Variants in ANO10 observed in about 807,000 individuals in gnomAD.
ANO10 encodes the protein anoctamin-10.
ANO10 carries 77 observed loss-of-function variants against 74.7 expected under a neutral mutation model. The ratio of observed to expected loss-of-function variants is 1.03; its 90% CI spans 0.86 to 1.25. The LOEUF (loss-of-function observed/expected upper bound fraction) is 1.25, where lower values mean the gene tolerates loss of function less well. ANO10 is among the 50% of genes most tolerant of loss of function. The pLI, the probability that ANO10 is intolerant of heterozygous loss-of-function variation, is 0.00. For missense variants in ANO10, 721 were observed against 778.1 expected (o/e 0.93, Z 0.87); for synonymous variants, 279 against 284.9 (o/e 0.98, Z 0.21).
rs202113435 is a variant in ANO10 at position 43,481,917 on chromosome 3, CTTTTT to C, written c.1798-49195_1798-49191del. Among the ~76,000 whole-genome samples the C allele has an allele frequency of 3.2e-3, 432 of 136,006 alleles. 4 individuals are homozygous for C. The highest frequency in any genetic ancestry group is 0.011 in the African/African-American group (411 of 37,234). The allele number at this position is 136,006 out of a possible 152,430, so 89.2% of individuals were successfully genotyped here. On this transcript the variant is annotated intron_variant, in intron 11 of 12. Transcript: ENST00000292246. ...GTATGTATTGATTGATGTCTTTTTT[CTTTTT>C]TTTTCTTTTTTTTTTTTTTTTTTGA...
chr3:43,484,735 A>C (rs1313720688), intron 11 of ANO10, among the ~76,000 whole-genome samples: 5 of 152,122 alleles, frequency 3.3e-5, no homozygotes, highest in Admixed American at 6.5e-5. Context: ...CTCTCTTCCC[A>C]TCATGGCCAA....
chr3:43,517,370 C>T (rs1356016827), intron 11 of ANO10, among the ~76,000 whole-genome samples: 1 of 152,060 alleles, frequency 6.6e-6, no homozygotes, highest in Non-Finnish European at 1.5e-5. Context: ...CATTATGGTC[C>T]TACTGTCCTA....
chr3:43,542,118 G>C (rs1429918901), intron 11 of ANO10, among the ~76,000 whole-genome samples: 1 of 152,172 alleles, frequency 6.6e-6, no homozygotes, highest in African/African-American at 2.4e-5. Context: ...TTAGGTGAGA[G>C]CTCCTGAACT....
chr3:43,575,919 G>C (rs2080972005), intron 6 of ANO10, among the ~76,000 whole-genome samples: 1 of 152,172 alleles, frequency 6.6e-6, no homozygotes, highest in African/African-American at 2.4e-5. Context: ...TTCCAGGCGT[G>C]AGCCACTGCG....
At chr3:43,397,850 CTCTA>C (rs2092411006) in intron 12 of ANO10, among the ~76,000 whole-genome samples, 1 of 152,200 alleles carries the variant, frequency 6.6e-6, no homozygotes, top group African/African-American at 2.4e-5. Context: ...TCTCTTCTAT[CTCTA>C]TCTCTCAGAG....
intron 1 of ANO10, chr3:43,690,929 G>C: frequency 2.0e-6 from 3 of 1,520,492 alleles, no homozygotes; most frequent in East Asian, 2.7e-5. Flanking sequence ...CGCCAGCCCG[G>C]GGCGGCCCAG....
intron 11 of ANO10, among the ~76,000 whole-genome samples, chr3:43,543,762 G>A (rs1224142206): frequency 6.6e-6 from 1 of 152,168 alleles, no homozygotes; most frequent in Non-Finnish European, 1.5e-5. Flanking sequence ...AAAAGAAACT[G>A]TAATTAAATG....
At chr3:43,550,873 A>G (rs1377431783) in intron 10 of ANO10, among the ~76,000 whole-genome samples, 1 of 152,174 alleles carries the variant, frequency 6.6e-6, no homozygotes, top group South Asian at 2.1e-4. Context: ...CCTAGAAGAC[A>G]ACCACTATTT....
At chr3:43,609,279 T>C (rs1467829287) in intron 1 of ANO10, among the ~76,000 whole-genome samples, 5 of 152,204 alleles carry the variant, frequency 3.3e-5, no homozygotes, top group African/African-American at 1.2e-4. Context: ...ATCTTCATTT[T>C]GAATTATCTA....
chr3:43,553,693 G>A (rs1013223787), intron 10 of ANO10, among the ~76,000 whole-genome samples: 5 of 151,948 alleles, frequency 3.3e-5, no homozygotes, highest in Middle Eastern at 3.4e-3. Context: ...CCACCACCAC[G>A]CCCAGCTAAT....
chr3:43,676,727 G>A (rs1283393179), intron 1 of ANO10, among the ~76,000 whole-genome samples: 1 of 152,086 alleles, frequency 6.6e-6, no homozygotes, highest in Non-Finnish European at 1.5e-5. Flanking sequence ...AAGGGTACAT[G>A]GGAGCTCTCT....
chr3:43,532,391 A>G (rs2078510183), intron 11 of ANO10, among the ~76,000 whole-genome samples: 1 of 152,238 alleles, frequency 6.6e-6, no homozygotes, highest in Non-Finnish European at 1.5e-5. Context: ...GTAGGTGTAT[A>G]CATGCAGGGA....
intron 1 of ANO10, among the ~76,000 whole-genome samples, chr3:43,614,374 G>A (rs1470393656): frequency 1.3e-5 from 2 of 152,022 alleles, no homozygotes; most frequent in Admixed American, 6.6e-5. Context: ...AACAGTATTT[G>A]CAATATGACA....
chr3:43,687,792 G>A (rs1359924151), intron 1 of ANO10, among the ~76,000 whole-genome samples: 2 of 152,328 alleles, frequency 1.3e-5, no homozygotes, highest in East Asian at 3.9e-4. Flanking sequence ...CAGGGAGGTA[G>A]TGATGGAGGA....
chr3:43,516,859 AAC>A (rs2149201707), intron 11 of ANO10, among the ~76,000 whole-genome samples: 1 of 152,318 alleles, frequency 6.6e-6, no homozygotes, highest in South Asian at 2.1e-4. Context: ...GAGATTATAA[AAC>A]AGAGTAGGAA....
At chr3:43,468,398 A>G (rs1027495912) in intron 11 of ANO10, among the ~76,000 whole-genome samples, 5 of 152,202 alleles carry the variant, frequency 3.3e-5, no homozygotes, top group African/African-American at 1.2e-4. Flanking sequence ...GAAGGATGGA[A>G]GCTTCCTGTG....
intron 12 of ANO10, among the ~76,000 whole-genome samples, chr3:43,380,584 C>T (rs144253791): frequency 8.0e-4 from 122 of 152,182 alleles, no homozygotes; most frequent in African/African-American, 2.8e-3. Flanking sequence ...TTGTGTCTAC[C>T]GAAACTAAGC....
intron 11 of ANO10, among the ~76,000 whole-genome samples, chr3:43,529,066 A>G (rs1384059214): frequency 6.6e-6 from 1 of 152,230 alleles, no homozygotes; most frequent in Non-Finnish European, 1.5e-5. Flanking sequence ...TGTATCTGTG[A>G]TCTGAACCAA....
At position 43,366,969 on chromosome 3, in the gene ANO10, C is replaced by T; in HGVS notation, c.1920G>A (p.Met640Ile). 1 of 1,599,632 alleles carries T rather than the reference C, an allele frequency of 6.3e-7. No homozygotes were observed. Among genetic ancestry groups the T allele is most frequent in the Non-Finnish European group, 8.5e-7 (1 of 1,172,850 alleles). The change falls in exon 13 of 13, where the codon ATG becomes ATA. Residue 640 changes from methionine (M) to isoleucine (I), a missense_variant. Coordinates refer to ENST00000292246, the MANE Select transcript of ANO10 (RefSeq NM_018075.5). ...CCTTCAGGTTCTCGGTCACGAGCTT[C>T]ATTTGCTGTTAAGAGAAAACAGGAC... is the stretch of plus-strand genomic sequence containing the variant. ...ESLEALKQQQ[M>I]KLVTENLKEE...
Sources: allele counts gnomAD v4.1 joint callset (sites outside exome capture counted in the v4.1 genomes callset), GRCh38; gene constraint gnomAD v4.1.1; transcripts MANE v1.5; gene names NCBI Gene and HGNC (gene_info 2026-07-23, HGNC 2026-07-21).